SFMBT2: variants seen among roughly 807,000 people sequenced by gnomAD.
The protein encoded by SFMBT2 is Scm like with four mbt domains 2.
SFMBT2 carries 38 observed loss-of-function variants against 110.1 expected under a neutral mutation model. The ratio of observed to expected loss-of-function variants is 0.35; its 90% confidence interval spans 0.27 to 0.45. SFMBT2 has a LOEUF of 0.45. SFMBT2 is among the 20% of genes least tolerant of loss of function. The probability of loss-of-function intolerance (pLI) is 1.00; values close to 1 mark genes in which losing one functional copy is unlikely to be tolerated. For missense variants in SFMBT2, 1,011 were observed against 1,094.9 expected, an observed-to-expected ratio of 0.92 and a Z score of 1.08; for synonymous variants, 425 against 425.4, an observed-to-expected ratio of 1.00 and a Z score of 0.01.
At chr10:7,304,840 G>C (rs1842647471) in intron 4 of SFMBT2, among the ~76,000 whole-genome samples, 1 of 152,154 alleles carries the variant, frequency 6.6e-6, no homozygotes, top group Non-Finnish European at 1.5e-5. Flanking sequence ...GAATAAGACA[G>C]GTCCCACCCT....
intron 4 of SFMBT2, among the ~76,000 whole-genome samples, chr10:7,324,630 T>A (rs913906237): frequency 3.3e-5 from 5 of 152,188 alleles, no homozygotes; most frequent in Non-Finnish European, 7.3e-5. Flanking sequence ...TAGAAGAAAC[T>A]TGTATTAGTT....
chr10:7,334,283 C>T (rs1564445642), intron 4 of SFMBT2, among the ~76,000 whole-genome samples: 1 of 152,158 alleles, frequency 6.6e-6, no homozygotes, highest in Non-Finnish European at 1.5e-5. Context: ...CCACCCCCTC[C>T]ACCTTCCCAG....
Position 7,281,916 on chromosome 10 carries a change from G to A in SFMBT2, c.772+1988C>T, listed in dbSNP as rs551404713. 3.9e-5 allele frequency among the ~76,000 whole-genome samples: 6 copies of A among 152,216 alleles called. No individual in the cohort carries two copies. In the South Asian group the frequency reaches 1.2e-3, roughly 32 times the overall value. ...GCTGGAGTGCAGCAGAGCAATCTTG[G>A]CTCACTGCAGCCTCCTCTCCTGTGA... On this transcript the variant is annotated intron_variant, in intron 6 of 20. Transcript: ENST00000397167.
chr10:7,267,842 T>C (rs1379910310), intron 7 of SFMBT2, among the ~76,000 whole-genome samples: 2 of 152,240 alleles, frequency 1.3e-5, no homozygotes, highest in African/African-American at 4.8e-5. Context: ...ATTTCAGGTA[T>C]GTCCCTTCCT....
At chr10:7,257,769 C>T (rs1841074490) in intron 7 of SFMBT2, among the ~76,000 whole-genome samples, 1 of 152,160 alleles carries the variant, frequency 6.6e-6, no homozygotes, top group Non-Finnish European at 1.5e-5. Context: ...TGCCTCTTCC[C>T]ATCGCCACTT....
intron 16 of SFMBT2, among the ~76,000 whole-genome samples, chr10:7,180,798 G>T (rs543136629): frequency 6.6e-6 from 1 of 152,134 alleles, no homozygotes; most frequent in Admixed American, 6.5e-5. Flanking sequence ...CTGGAGAGAC[G>T]CTGGGGCCTG....
intron 1 of SFMBT2, among the ~76,000 whole-genome samples, chr10:7,385,390 C>A (rs1845564186): frequency 6.6e-6 from 1 of 152,088 alleles, no homozygotes; most frequent in South Asian, 2.1e-4. Flanking sequence ...TCCCAGCTCT[C>A]CCTCCAGTGA....
intron 20 of SFMBT2, chr10:7,164,344 C>T: frequency 1.2e-6 from 1 of 843,278 alleles, no homozygotes. Flanking sequence ...TGTGATCATA[C>T]CACTGCCCTC....
At chr10:7,264,671 C>A (rs551520464) in intron 7 of SFMBT2, among the ~76,000 whole-genome samples, 2 of 152,190 alleles carry the variant, frequency 1.3e-5, no homozygotes, top group Non-Finnish European at 2.9e-5. Context: ...GAGTCACTGC[C>A]CAGCCGCACC....
chr10:7,257,141 A>G (rs1304410103), intron 7 of SFMBT2, among the ~76,000 whole-genome samples: 1 of 150,722 alleles, frequency 6.6e-6, no homozygotes, highest in Admixed American at 6.6e-5. Flanking sequence ...AGAAAAGAAA[A>G]AACTGTACAG....
In SFMBT2 at chr10:7,220,137, C is replaced by T. The variant is rs1328129817; in HGVS notation, c.1330+274G>A. Reference sequence around the variant, plus strand: ...CACATTAATTTAATTGTGACATTTGCTTTTCTAATCATAGATGTAAAAAGA... The same window carrying T: ...CACATTAATTTAATTGTGACATTTGTTTTTCTAATCATAGATGTAAAAAGA... On this transcript the variant is annotated intron_variant, in intron 11 of 20. Transcript: ENST00000397167. Among the ~76,000 whole-genome samples the T allele has an allele frequency of 2.0e-5, 3 of 152,224 alleles. No individual in the cohort carries two copies. The East Asian group carries it at 5.8e-4, about 29-fold the overall frequency.
At chr10:7,195,582 GCCC>G (rs1406281367) in intron 15 of SFMBT2, among the ~76,000 whole-genome samples, 3 of 152,178 alleles carry the variant, frequency 2.0e-5, no homozygotes, top group Non-Finnish European at 4.4e-5. Flanking sequence ...ACGAACAAGG[GCCC>G]TTTCTGGGTC....
At position 7,319,652 on chromosome 10, in the gene SFMBT2, C is replaced by CAGAG. The variant is rs35461195; in HGVS notation, c.437-33702_437-33699dup. Among the ~76,000 whole-genome samples, 1,022 of 139,922 alleles carry CAGAG rather than the reference C, an allele frequency of 7.3e-3. 14 individuals carry two copies. Among genetic ancestry groups the CAGAG allele is most frequent in the African/African-American group, 0.024 (968 of 40,018 alleles). The allele number at this position is 139,922 out of a possible 152,430, so 91.8% of individuals were successfully genotyped here. ...AACTAGGTGCTACCAAAGAGAGAGA[C>CAGAG]AGAGAGAGAGAGAGAGACAGAGAGA... On this transcript the variant is annotated intron_variant, in intron 4 of 20. Coordinates refer to ENST00000397167, the MANE Select transcript of SFMBT2 (RefSeq NM_001387889.1).
intron 11 of SFMBT2, among the ~76,000 whole-genome samples, chr10:7,207,839 G>A (rs1197017452): frequency 1.3e-5 from 2 of 152,218 alleles, no homozygotes; most frequent in Non-Finnish European, 2.9e-5. Flanking sequence ...CAGGTGCTCT[G>A]AACATGGACA....
chr10:7,344,154 T>C (rs1056325574), intron 4 of SFMBT2, among the ~76,000 whole-genome samples: 2 of 152,170 alleles, frequency 1.3e-5, no homozygotes, highest in African/African-American at 4.8e-5. Context: ...GGAAATATTT[T>C]TTCTGTCTTT....
chr10:7,203,459 C>A (rs887119644), intron 12 of SFMBT2: 1 of 233,424 alleles, frequency 4.3e-6, no homozygotes, highest in African/African-American at 2.3e-5. Flanking sequence ...CCAAGCACAA[C>A]AGACAGATCC....
In SFMBT2 at chr10:7,367,550, T is replaced by C. The variant is rs1844946232; in HGVS notation, c.436+99A>G. 6.6e-7 allele frequency: 1 copy of C among 1,510,626 alleles called. No homozygotes were observed. The highest frequency in any genetic ancestry group is 1.4e-5 in the African/African-American group (1 of 72,384). The allele number at this position is 1,510,626 out of a possible 1,614,324, so 93.6% of individuals were successfully genotyped here. Reference sequence around the variant, plus strand: ...CTGTGAGACCTTTGCACTAAGACCATTAGGGATTCTACGCAAGGTTCTCTC... The same window carrying C: ...CTGTGAGACCTTTGCACTAAGACCACTAGGGATTCTACGCAAGGTTCTCTC... On this transcript the variant is annotated intron_variant, in intron 4 of 20. Coordinates refer to ENST00000397167, the MANE Select transcript of SFMBT2 (RefSeq NM_001387889.1). The surrounding 1 kb of genome is among the most constrained non-coding windows in gnomAD (Gnocchi z 6.2).
intron 8 of SFMBT2, among the ~76,000 whole-genome samples, chr10:7,244,646 T>C (rs1840548208): frequency 6.6e-6 from 1 of 152,192 alleles, no homozygotes; most frequent in Non-Finnish European, 1.5e-5. Flanking sequence ...AGTAACTTAG[T>C]ATCTAAAACA....
At chr10:7,193,763 A>C (rs182408636) in intron 15 of SFMBT2, among the ~76,000 whole-genome samples, 1 of 152,324 alleles carries the variant, frequency 6.6e-6, no homozygotes, top group African/African-American at 2.4e-5. Flanking sequence ...CTGGTGATTC[A>C]TGAGATGGTA....
Sources: allele counts gnomAD v4.1 joint callset (sites outside exome capture counted in the v4.1 genomes callset), GRCh38; gene constraint gnomAD v4.1.1; non-coding constraint Gnocchi (gnomAD v3.1); transcripts MANE v1.5; gene names NCBI Gene and HGNC (gene_info 2026-07-23, HGNC 2026-07-21).